TRPM1: variants seen among roughly 807,000 people sequenced by gnomAD.
The protein encoded by TRPM1 is transient receptor potential cation channel subfamily M member 1.
A neutral mutation model predicts 149.4 loss-of-function variants in TRPM1; 113 were observed. That is an observed-to-expected ratio of 0.76 (90% confidence interval 0.65 to 0.88). The LOEUF is 0.88. Among genes scored for constraint, TRPM1 ranks in the 40% least tolerant of loss-of-function variants. The probability of loss-of-function intolerance (pLI) is 0.00; values close to 1 mark genes in which losing one functional copy is unlikely to be tolerated. For missense variants in TRPM1, 1,976 were observed against 2,038.7 expected, an observed-to-expected ratio of 0.97 and a Z score of 0.59; for synonymous variants, 741 against 759.5, an observed-to-expected ratio of 0.98 and a Z score of 0.40.
At chr15:31,068,190 T>A in intron 4 of TRPM1, 98 bp from the exon 5 acceptor site, 1 of 1,114,926 alleles carries the variant, frequency 9.0e-7, no homozygotes, top group Non-Finnish European at 1.4e-6. Context: ...AAGAACTGCC[T>A]GGCTTGTCTC....
intron 27 of TRPM1, among the ~76,000 whole-genome samples, chr15:31,018,252 T>C (rs1166423150): frequency 6.6e-6 from 1 of 152,092 alleles, no homozygotes; most frequent in African/African-American, 2.4e-5. Context: ...GGTTTCACCA[T>C]GTTGGTCAGG....
intron 11 of TRPM1, among the ~76,000 whole-genome samples, chr15:31,054,621 T>C (rs1159895075): frequency 6.6e-6 from 1 of 152,216 alleles, no homozygotes; most frequent in Non-Finnish European, 1.5e-5. Context: ...AAGCATGTTT[T>C]AAGAAGAATT....
chr15:31,123,007 A>G (rs1226464489), intron 1 of TRPM1, among the ~76,000 whole-genome samples: 1 of 152,242 alleles, frequency 6.6e-6, no homozygotes, highest in Non-Finnish European at 1.5e-5. Flanking sequence ...AATTTAATGC[A>G]ACAGAGCAGA....
chr15:31,040,028 G>C lies in TRPM1; in HGVS notation c.2316+90C>G. ...CAGGGGGTTGCTAGAAGGAATAAAT[G>C]AAATAAGCCACAGAAAGTGCTCAGT... is the stretch of plus-strand genomic sequence containing the variant. On this transcript the variant is annotated intron_variant, in intron 18 of 27. Coordinates refer to ENST00000256552, the MANE Select transcript of TRPM1 (RefSeq NM_001252024.2). The surrounding 1 kb of genome is among the most constrained non-coding windows in gnomAD (Gnocchi z 4.2). 1 of 1,161,864 alleles carries C rather than the reference G, an allele frequency of 8.6e-7. No homozygotes were observed. The allele number at this position is 1,161,864 out of a possible 1,614,324, so 72.0% of individuals were successfully genotyped here. A position where few individuals can be genotyped will look rare whatever the true frequency, so the allele number is the denominator to read the frequency against.
At chr15:31,035,787 G>A in intron 20 of TRPM1, 113 bp from the exon 21 acceptor site, 1 of 1,483,672 alleles carries the variant, frequency 6.7e-7, no homozygotes, top group Non-Finnish European at 9.3e-7. Context: ...GTTTCCAACT[G>A]GACTGACTCA....
chr15:31,053,435 G>A (rs560076999), intron 11 of TRPM1, among the ~76,000 whole-genome samples: 20 of 94,370 alleles, frequency 2.1e-4, no homozygotes, highest in Non-Finnish European at 4.2e-4. Flanking sequence ...TTTTTTTTCT[G>A]TATTTTTAGT....
At chr15:31,003,127 C>G (rs2031857137) in intron 27 of TRPM1, 57 bp from the exon 28 acceptor site, 1 of 1,469,934 alleles carries the variant, frequency 6.8e-7, no homozygotes, top group Non-Finnish European at 9.3e-7. Flanking sequence ...TATTAAAAAT[C>G]AAAAGATAAT....
Position 31,060,664 on chromosome 15 carries a change from G to C in TRPM1, c.1163-20C>G. Reference sequence around the variant, plus strand: ...TTGTTCCTGGAAAGGCAAGAAACCGGAATGATTTTTCACTCCACGCCTGGA... The same window carrying C: ...TTGTTCCTGGAAAGGCAAGAAACCGCAATGATTTTTCACTCCACGCCTGGA... On this transcript the variant is annotated intron_variant, in intron 10 of 27. Coordinates refer to ENST00000256552, the MANE Select transcript of TRPM1 (RefSeq NM_001252024.2). 1.9e-6 allele frequency: 3 copies of C among 1,609,436 alleles called. No individual in the cohort carries two copies. Among genetic ancestry groups the C allele is most frequent in the Non-Finnish European group, 2.6e-6 (3 of 1,176,214 alleles).
At chr15:31,152,665 C>T (rs967897854) in intron 1 of TRPM1, among the ~76,000 whole-genome samples, 1 of 152,192 alleles carries the variant, frequency 6.6e-6, no homozygotes, top group Non-Finnish European at 1.5e-5. Context: ...GTGTGTGAGA[C>T]AGGGTCTGGC....
chr15:31,096,440 C>T (rs2035387871), intron 1 of TRPM1, among the ~76,000 whole-genome samples: 1 of 152,224 alleles, frequency 6.6e-6, no homozygotes, highest in Admixed American at 6.5e-5. Flanking sequence ...TCTCCCATCA[C>T]CGGGTCTACC....
intron 1 of TRPM1, among the ~76,000 whole-genome samples, chr15:31,110,949 G>A (rs2035679333): frequency 1.4e-5 from 2 of 146,362 alleles, no homozygotes; most frequent in South Asian, 4.3e-4. Flanking sequence ...TCCTCAGTGG[G>A]TTGTGTTGCA....
intron 8 of TRPM1, 111 bp from the exon 9 acceptor site, chr15:31,062,813 G>C: frequency 6.5e-6 from 8 of 1,235,440 alleles, no homozygotes; most frequent in Non-Finnish European, 9.3e-6. Context: ...AGGATATCCT[G>C]ACACAGGAGA....
chr15:31,009,417 A>G (rs1324366030), intron 27 of TRPM1, among the ~76,000 whole-genome samples: 4 of 152,174 alleles, frequency 2.6e-5, no homozygotes, highest in Non-Finnish European at 5.9e-5. Context: ...CATCATTCAA[A>G]TCACTGTTCT....
rs550160093 is a variant in TRPM1 at position 31,045,907 on chromosome 15, G to A, written c.1794+297C>T. ...AAAATAGTCTATTGAATTCTTTTTGGTGTTATTTTTGGTTTTTTACTTATG... is the reference window on the plus strand; with the variant it reads ...AAAATAGTCTATTGAATTCTTTTTGATGTTATTTTTGGTTTTTTACTTATG... On this transcript the variant is annotated intron_variant, in intron 16 of 27. Coordinates refer to ENST00000256552, the MANE Select transcript of TRPM1 (RefSeq NM_001252024.2). Among the ~76,000 whole-genome samples the A allele has an allele frequency of 4.6e-5, 7 of 152,172 alleles. No individual in the cohort carries two copies. The East Asian group carries it at 1.2e-3, about 25-fold the overall frequency.
At chr15:31,069,886 A>T (rs757098601) in intron 4 of TRPM1, 145 bp downstream of exon 4, 2 of 1,600,316 alleles carry the variant, frequency 1.2e-6, no homozygotes, top group South Asian at 2.2e-5. Flanking sequence ...GTGCACAGAT[A>T]TATCTCTTGG....
Position 31,110,566 on chromosome 15 carries a change from G to A in TRPM1, c.55-33582C>T, listed in dbSNP as rs778912552. ...CCTGGTGAGCCTTAAGATCCAAGTT[G>A]GCCAAAATATGCTGGCCGTTCTCCG... is the stretch of plus-strand genomic sequence containing the variant. On this transcript the variant is annotated intron_variant, in intron 1 of 26. Transcript: ENST00000542188. Among the ~76,000 whole-genome samples the A allele has an allele frequency of 3.3e-5, 5 of 152,284 alleles. No individual in the cohort carries two copies. The South Asian group carries it at 1.0e-3, about 32-fold the overall frequency.
chr15:31,049,586 G>A, intron 12 of TRPM1, 77 bp from the exon 13 acceptor site: 4 of 1,560,376 alleles, frequency 2.6e-6, no homozygotes, highest in East Asian at 4.5e-5. Flanking sequence ...GAAACACAGA[G>A]GAAAGGGTAT....
At chr15:31,067,602 T>A (rs2034415791) in intron 5 of TRPM1, among the ~76,000 whole-genome samples, 1 of 152,212 alleles carries the variant, frequency 6.6e-6, no homozygotes, top group Admixed American at 6.5e-5. Context: ...CTAATGAAGA[T>A]GATGCTTGTA....
chr15:31,078,688 C>G (rs774447342), intron 2 of TRPM1, among the ~76,000 whole-genome samples: 14 of 152,160 alleles, frequency 9.2e-5, no homozygotes, highest in Non-Finnish European at 1.9e-4. Flanking sequence ...GCACTTTTCC[C>G]GTCTGTTTCG....
Sources: allele counts gnomAD v4.1 joint callset (sites outside exome capture counted in the v4.1 genomes callset), GRCh38; gene constraint gnomAD v4.1.1; non-coding constraint Gnocchi (gnomAD v3.1); transcripts MANE v1.5; gene names NCBI Gene and HGNC (gene_info 2026-07-23, HGNC 2026-07-21).